The following ARHGAP31 variants were observed in gnomAD, a reference collection of about 807,000 sequenced individuals.
ARHGAP31 encodes rho GTPase-activating protein 31.
A neutral mutation model predicts 113.9 loss-of-function variants in ARHGAP31; 34 were observed. That is an observed-to-expected ratio of 0.30 (90% CI 0.23 to 0.40). The LOEUF (loss-of-function observed/expected upper bound fraction) is 0.40. ARHGAP31 is among the 10% of genes least tolerant of loss of function. The pLI is 1.00. For missense variants in ARHGAP31, 1,548 were observed against 1,767.1 expected (o/e 0.88, Z 2.22); for synonymous variants, 650 against 684.8 (o/e 0.95, Z 0.79).
intron 10 of ARHGAP31, among the ~76,000 whole-genome samples, chr3:119,406,497 G>T (rs966246197): frequency 1.3e-5 from 2 of 152,172 alleles, no homozygotes; most frequent in African/African-American, 4.8e-5. Flanking sequence ...CAACCCAAAT[G>T]CCCCGCTTTA....
At chr3:119,349,556 G>C (rs929026768) in intron 1 of ARHGAP31, among the ~76,000 whole-genome samples, 22 of 152,098 alleles carry the variant, frequency 1.4e-4, no homozygotes, top group Admixed American at 8.5e-4. Context: ...GTTGGGGGAG[G>C]GGTCACGAAG....
Position 119,390,842 on chromosome 3 carries a change from T to A in ARHGAP31, c.740T>A (p.Leu247Gln). 1 of 1,613,766 alleles carries A rather than the reference T, an allele frequency of 6.2e-7. No individual in the cohort carries two copies. The highest frequency in any genetic ancestry group is 8.5e-7 in the Non-Finnish European group (1 of 1,180,032). The change falls in exon 7 of 12, where the codon CTG (leucine) becomes CAG (glutamine). Residue 247 changes from leucine to glutamine, a missense_variant. Coordinates refer to ENST00000264245, the MANE Select transcript of ARHGAP31 (RefSeq NM_020754.4). ...TLPALSLPMK[L>Q]VSLEEAQARS... ...CCAGCCCTCTCCCTGCCCATGAAGC[T>A]GGTGAGCCTTGAGGAAGCTCAAGCC...
In ARHGAP31 at chr3:119,390,802, A is replaced by G. The variant is rs2080496976; in HGVS notation, c.700A>G (p.Lys234Glu). 3 of 1,612,742 alleles carry G rather than the reference A, an allele frequency of 1.9e-6. No individual in the cohort carries two copies. Among genetic ancestry groups the G allele is most frequent in the Middle Eastern group, 2.0e-4 (1 of 4,932 alleles). ...CTTTACAGAAAACCGGCCCATCATG[A>G]AGAGCCTGACCTTGCCAGCCCTCTC... is the stretch of plus-strand genomic sequence containing the variant. ...LENDENRPIM[K>E]SLTLPALSLP... Residue 234 changes from lysine to glutamate, a missense_variant, in exon 7 of 12, where the codon AAG (lysine) becomes GAG (glutamate). Lys to Glu is a moderately conservative substitution (Grantham distance 56). Coordinates refer to ENST00000264245, the MANE Select transcript of ARHGAP31 (RefSeq NM_020754.4).
intron 3 of ARHGAP31, among the ~76,000 whole-genome samples, chr3:119,379,711 C>A (rs2080378445): frequency 1.3e-5 from 2 of 152,034 alleles, no homozygotes; most frequent in South Asian, 4.1e-4. Flanking sequence ...GATCTTAGAG[C>A]CCTTTTTAAA....
chr3:119,339,637 A>G (rs1349031242), intron 1 of ARHGAP31, among the ~76,000 whole-genome samples: 1 of 152,104 alleles, frequency 6.6e-6, no homozygotes, highest in East Asian at 1.9e-4. Context: ...CAACCAACCA[A>G]CTTTTGACAG....
At chr3:119,378,738 T>C (rs2080370754) in intron 3 of ARHGAP31, among the ~76,000 whole-genome samples, 1 of 152,216 alleles carries the variant, frequency 6.6e-6, no homozygotes, top group South Asian at 2.1e-4. Flanking sequence ...TGTGAGGTTC[T>C]CACCGCCTTG....
intron 3 of ARHGAP31, among the ~76,000 whole-genome samples, chr3:119,370,748 A>G (rs913231081): frequency 1.3e-5 from 2 of 152,172 alleles, no homozygotes; most frequent in African/African-American, 4.8e-5. Context: ...CCAAGCTCCC[A>G]CTGATGGATA....
At chr3:119,400,689 G>A (rs716650) in intron 9 of ARHGAP31, among the ~76,000 whole-genome samples, 47,273 of 152,014 alleles carry the variant, frequency 0.31, 8,782 homozygotes, top group East Asian at 0.41. Flanking sequence ...GTCCTCATGT[G>A]TTAAAGATCA....
At chr3:119,343,362 T>C (rs1436551030) in intron 1 of ARHGAP31, among the ~76,000 whole-genome samples, 1 of 152,192 alleles carries the variant, frequency 6.6e-6, no homozygotes, top group Non-Finnish European at 1.5e-5. Context: ...ATTTCTCAAC[T>C]GTAAAATGAG....
At chr3:119,347,602 C>T (rs2080071285) in intron 1 of ARHGAP31, among the ~76,000 whole-genome samples, 2 of 152,166 alleles carry the variant, frequency 1.3e-5, no homozygotes, top group Non-Finnish European at 2.9e-5. Context: ...GGTACAAGCT[C>T]AAGTAGAGAT....
chr3:119,393,474 C>T lies in ARHGAP31; in HGVS notation c.889C>T (p.Leu297Phe). 1 of 1,614,146 alleles carries T rather than the reference C, an allele frequency of 6.2e-7. No individual in the cohort carries two copies. The highest frequency in any genetic ancestry group is 8.5e-7 in the Non-Finnish European group (1 of 1,180,018). ...ATGCCTTGGTTCTTTTAGGCGAAAG[C>T]TCTCCAGTAAATCAAAGAAGTGGAA... ...VLELPDNKRK[L>F]SSKSKKWKSI... Residue 297 changes from leucine to phenylalanine, a missense_variant, in exon 8 of 12, where the codon CTC becomes TTC. Coordinates refer to ENST00000264245, the MANE Select transcript of ARHGAP31 (RefSeq NM_020754.4).
intron 1 of ARHGAP31, among the ~76,000 whole-genome samples, chr3:119,355,300 T>C (rs1024152823): frequency 6.6e-6 from 1 of 152,132 alleles, no homozygotes; most frequent in African/African-American, 2.4e-5. Flanking sequence ...AGTTATAGAA[T>C]GGAGAATGCT....
intron 6 of ARHGAP31, among the ~76,000 whole-genome samples, chr3:119,389,386 A>G (rs1559989467): frequency 6.6e-6 from 1 of 152,242 alleles, no homozygotes; most frequent in Non-Finnish European, 1.5e-5. Flanking sequence ...AAGCAAATAC[A>G]TAATCACAAA....
rs1553768281 is a variant in ARHGAP31 at position 119,415,667 on chromosome 3, T to G, written c.3738T>G (p.Pro1246=). ...PSSTSGTTQK[P]AKDDSPSSLE... is the part of the protein sequence containing the mutation. Reference sequence around the variant, plus strand: ...CAACCAGTGGGACCACTCAGAAACCTGCCAAAGATGATTCTCCCTCCTCCC... The same window carrying G: ...CAACCAGTGGGACCACTCAGAAACCGGCCAAAGATGATTCTCCCTCCTCCC... The change falls in exon 12 of 12, where the codon CCT becomes CCG. Residue 1246 remains proline (P), a synonymous_variant. Coordinates refer to ENST00000264245, the MANE Select transcript of ARHGAP31 (RefSeq NM_020754.4). 2 of 1,614,036 alleles carry G rather than the reference T, an allele frequency of 1.2e-6. No homozygotes were observed. Among genetic ancestry groups the G allele is most frequent in the Non-Finnish European group, 1.7e-6 (2 of 1,179,996 alleles).
chr3:119,348,702 T>C (rs1470963040), intron 1 of ARHGAP31, among the ~76,000 whole-genome samples: 1 of 152,254 alleles, frequency 6.6e-6, no homozygotes, highest in Non-Finnish European at 1.5e-5. Context: ...GTTGTTACAC[T>C]GTATTGTTTA....
chr3:119,307,588 A>G (rs1316902961), intron 1 of ARHGAP31, among the ~76,000 whole-genome samples: 2 of 152,188 alleles, frequency 1.3e-5, no homozygotes, highest in Non-Finnish European at 2.9e-5. Flanking sequence ...CTGTTGATAA[A>G]TATATCTGGG....
intron 1 of ARHGAP31, among the ~76,000 whole-genome samples, chr3:119,346,824 GGGCTTTGCTGCT>G (rs2080061751): frequency 1.3e-5 from 2 of 152,134 alleles, no homozygotes; most frequent in African/African-American, 4.8e-5. Flanking sequence ...TCCAACTCTA[GGGCTTTGCTGCT>G]GTCAAGCTGG....
intron 10 of ARHGAP31, 32 bp from the exon 11 acceptor site, chr3:119,409,464 C>T: frequency 1.2e-6 from 2 of 1,613,374 alleles, no homozygotes; most frequent in Non-Finnish European, 1.7e-6. Flanking sequence ...AATGAAGTCT[C>T]CTTTAACTGA....
intron 1 of ARHGAP31, among the ~76,000 whole-genome samples, chr3:119,343,077 C>T (rs200143238): frequency 1.3e-5 from 2 of 152,106 alleles, no homozygotes; most frequent in East Asian, 1.9e-4. Context: ...CATGTCAGAA[C>T]AAATCATTCT....
Sources: allele counts gnomAD v4.1 joint callset (sites outside exome capture counted in the v4.1 genomes callset), GRCh38; gene constraint gnomAD v4.1.1; transcripts MANE v1.5; gene names NCBI Gene and HGNC (gene_info 2026-07-23, HGNC 2026-07-21).